Variants in ZFP2 observed in about 807,000 individuals in gnomAD.
The protein encoded by ZFP2 is zinc finger protein ZFP2.
In ZFP2, 33 loss-of-function variants were observed where a neutral mutation model predicts 36.1. That is an observed-to-expected ratio of 0.92 (90% CI 0.69 to 1.22). The LOEUF (loss-of-function observed/expected upper bound fraction) is 1.22. ZFP2 is among the 50% of genes most tolerant of loss of function. ZFP2 has a pLI of 0.00. For synonymous variants in ZFP2, 170 were observed against 178.0 expected (o/e 0.96, Z 0.36); for missense variants, 522 against 551.4 (o/e 0.95, Z 0.53).
chr5:178,911,084 T>C (rs1459167972), intron 1 of ZFP2, among the ~76,000 whole-genome samples: 1 of 152,218 alleles, frequency 6.6e-6, no homozygotes, highest in African/African-American at 2.4e-5. Flanking sequence ...TTGGTTAAAA[T>C]GGAAATTCTG....
At position 178,930,643 on chromosome 5, in the gene ZFP2, ATTTT is replaced by A. The variant is rs1381540084; in HGVS notation, c.-77-593_-77-590del. On this transcript the variant is annotated intron_variant, in intron 4 of 4. Coordinates refer to ENST00000361362, the MANE Select transcript of ZFP2 (RefSeq NM_030613.4). The stretch of plus-strand genomic sequence containing the variant: ...GGCTTGACCATATTTCTTAATCCTC[ATTTT>A]ATATCTGTGACCCTCAGAGCCAGTG... Among the ~76,000 whole-genome samples the A allele has an allele frequency of 2.0e-5, 3 of 152,104 alleles. No homozygotes were observed. The East Asian group carries it at 5.8e-4, about 29-fold the overall frequency.
intron 1 of ZFP2, among the ~76,000 whole-genome samples, chr5:178,897,303 T>G (rs560710150): frequency 6.6e-6 from 1 of 152,360 alleles, no homozygotes; most frequent in African/African-American, 2.4e-5. Flanking sequence ...ATAGGATTGT[T>G]TACATTTGCA....
chr5:178,920,632 G>A (rs1437045230), intron 4 of ZFP2, among the ~76,000 whole-genome samples: 7 of 144,016 alleles, frequency 4.9e-5, no homozygotes, highest in Admixed American at 2.8e-4. Flanking sequence ...GTGAGACTTC[G>A]TCTCAAAAAA....
Position 178,932,574 on chromosome 5 carries a change from A to G in ZFP2, c.1261A>G (p.Lys421Glu), listed in dbSNP as rs773824963. 2 of 1,614,060 alleles carry G rather than the reference A, an allele frequency of 1.2e-6. No homozygotes were observed. Among genetic ancestry groups the G allele is most frequent in the Admixed American group, 3.3e-5 (2 of 60,020 alleles). ...ECDQCGKAFI[K>E]NSSLTVHQRT... is the part of the protein sequence containing the mutation. ...TGATCAGTGTGGAAAAGCCTTCATT[A>G]AGAATTCATCCCTTACAGTGCATCA... Residue 421 changes from lysine to glutamate, a missense_variant, in exon 5 of 5, where the codon AAG becomes GAG. Coordinates refer to ENST00000361362, the MANE Select transcript of ZFP2 (RefSeq NM_030613.4).
Position 178,921,880 on chromosome 5 carries a change from G to A in ZFP2, c.-78+5170G>A, listed in dbSNP as rs902494589. On this transcript the variant is annotated intron_variant, in intron 4 of 4. Coordinates refer to ENST00000361362, the MANE Select transcript of ZFP2 (RefSeq NM_030613.4). The stretch of plus-strand genomic sequence containing the variant: ...CGGGTTTATCAGTGGAAGAGACATG[G>A]TGGAATAGGCCTACTCCACCTTATC... Among the ~76,000 whole-genome samples the A allele has an allele frequency of 8.7e-5, 13 of 149,466 alleles. 1 individual carries two copies. Among genetic ancestry groups the A allele is most frequent in the Non-Finnish European group, 2.0e-4 (13 of 66,578 alleles).
rs544738890 is a variant in ZFP2, at chr5:178,923,563, T to A, written c.-78+6853T>A. On this transcript the variant is annotated intron_variant, in intron 4 of 4. Transcript: ENST00000361362. ...AATAATAGCAGAAATGGTTTAGGAG[T>A]ACTGTTATTACTGAATCTTCATATT... Among the ~76,000 whole-genome samples, 16 of 149,432 alleles carry A rather than the reference T, an allele frequency of 1.1e-4. 1 individual carries two copies. In the South Asian group the frequency reaches 3.4e-3, roughly 32 times the overall value.
chr5:178,913,155 C>G, intron 3 of ZFP2, 84 bp downstream of exon 3: 1 of 735,924 alleles, frequency 1.4e-6, no homozygotes, highest in Non-Finnish European at 1.7e-6. Flanking sequence ...TCTGGAGAGA[C>G]TAGGGCCACT....
chr5:178,931,853 C>T lies in ZFP2; in HGVS notation c.540C>T (p.His180=), dbSNP rs773068235. Residue 180 remains histidine (H), a synonymous_variant, in exon 5 of 5, where the codon CAC becomes CAT. Transcript: ENST00000361362. ...ATCTTACTGTCCATCAACGAACTCA[C>T]ACCGGAGAGAAACCCTATCAGTGTA... The part of the protein sequence containing the change: ...SMNLTVHQRT[H]TGEKPYQCKE... 6.2e-7 allele frequency: 1 copy of T among 1,612,518 alleles called. No homozygotes were observed. The highest frequency in any genetic ancestry group is 2.2e-5 in the East Asian group (1 of 44,860).
At chr5:178,912,076 T>TA (rs1758307801) in intron 1 of ZFP2, among the ~76,000 whole-genome samples, 1 of 152,092 alleles carries the variant, frequency 6.6e-6, no homozygotes, top group Non-Finnish European at 1.5e-5. Flanking sequence ...GAGGTTGCAG[T>TA]AAGCCGAGAA....
chr5:178,927,875 T>C (rs142936285), intron 4 of ZFP2, among the ~76,000 whole-genome samples: 12 of 151,834 alleles, frequency 7.9e-5, no homozygotes, highest in African/African-American at 2.7e-4. Flanking sequence ...AATTGGCTTA[T>C]GGTTCTACAG....
intron 1 of ZFP2, among the ~76,000 whole-genome samples, chr5:178,908,285 A>G (rs1166915609): frequency 6.6e-6 from 1 of 151,984 alleles, no homozygotes; most frequent in African/African-American, 2.4e-5. Flanking sequence ...TGTCTCTACT[A>G]AAAATACAAA....
At position 178,932,749 on chromosome 5, in the gene ZFP2, CAT is replaced by C. The variant is rs765535763; in HGVS notation, c.*53_*54del. ...TCATGATTAACTCTTCAGTAATAAT[CAT>C]ATGAGACATACAATGTAGAAACCTA... On this transcript the variant is annotated 3_prime_UTR_variant, in exon 5 of 5. Transcript: ENST00000361362. The C allele has an allele frequency of 7.2e-4, 1,092 of 1,520,902 alleles. No individual in the cohort carries two copies. Among genetic ancestry groups the C allele is most frequent in the Admixed American group, 1.3e-3 (57 of 44,610 alleles). 94.2% of individuals were successfully genotyped at this position (1,520,902 alleles called of 1,614,324 possible).
At chr5:178,899,391 G>A (rs1758001105) in intron 1 of ZFP2, among the ~76,000 whole-genome samples, 1 of 152,204 alleles carries the variant, frequency 6.6e-6, no homozygotes, top group Non-Finnish European at 1.5e-5. Flanking sequence ...TGCCTGGCAT[G>A]GCTCCTGGAA....
At chr5:178,908,964 G>A (rs2113072704) in intron 1 of ZFP2, among the ~76,000 whole-genome samples, 1 of 148,960 alleles carries the variant, frequency 6.7e-6, no homozygotes, top group Admixed American at 6.6e-5. Flanking sequence ...GGAATACCAA[G>A]TTTAGTGCTA....
chr5:178,931,895 C>G lies in ZFP2; in HGVS notation c.582C>G (p.Ala194=), dbSNP rs1169978423. 13 of 1,613,810 alleles carry G rather than the reference C, an allele frequency of 8.1e-6. No homozygotes were observed. The highest frequency in any genetic ancestry group is 1.1e-5 in the Non-Finnish European group (13 of 1,179,994). The change falls in exon 5 of 5, where the codon GCC becomes GCG. Residue 194 remains alanine, a synonymous_variant. Coordinates refer to ENST00000361362, the MANE Select transcript of ZFP2 (RefSeq NM_030613.4). ...ATCAGTGTAAAGAGTGTGGCAAAGC[C>G]TTCCATAAGAATTCATCTCTTATTC... The part of the protein sequence containing the change: ...KPYQCKECGK[A]FHKNSSLIQH...
rs1016697056 is a variant in ZFP2 at position 178,932,877 on chromosome 5, T to C, written c.*178T>C. 1.1e-5 allele frequency: 9 copies of C among 789,938 alleles called. No individual in the cohort carries two copies. The highest frequency in any genetic ancestry group is 1.7e-5 in the Non-Finnish European group (9 of 526,360). 48.9% of individuals were successfully genotyped at this position (789,938 alleles called of 1,614,324 possible). The stretch of plus-strand genomic sequence containing the variant: ...CATCTAAAAGTAGAGAAATCTTGAT[T>C]CAGAATGTATAATTTCCTTTATATC... On this transcript the variant is annotated 3_prime_UTR_variant, in exon 5 of 5. Transcript: ENST00000361362.
intron 1 of ZFP2, among the ~76,000 whole-genome samples, chr5:178,898,824 A>G (rs185126951): frequency 4.0e-4 from 61 of 152,226 alleles, no homozygotes; most frequent in Non-Finnish European, 7.6e-4. Context: ...CCTAGCTGCC[A>G]CTTACTCAGC....
chr5:178,909,396 C>T lies in ZFP2; in HGVS notation c.-449-3188C>T, dbSNP rs1758241880. Among the ~76,000 whole-genome samples the T allele has an allele frequency of 3.3e-5, 5 of 152,146 alleles. No individual in the cohort carries two copies. In the South Asian group the frequency reaches 8.3e-4, roughly 25 times the overall value. ...CTTGATAAATGGTTTTCTTTCAACCCCCACATCCTCACCACCTGCTGCTTT... is the reference window on the plus strand; with the variant it reads ...CTTGATAAATGGTTTTCTTTCAACCTCCACATCCTCACCACCTGCTGCTTT... On this transcript the variant is annotated intron_variant, in intron 1 of 4. Transcript: ENST00000361362.
chr5:178,929,942 T>TGG (rs66712212), intron 4 of ZFP2, among the ~76,000 whole-genome samples: 2,306 of 131,478 alleles, frequency 0.018, 109 homozygotes, highest in Non-Finnish European at 0.026. Flanking sequence ...TGCTTGACGG[T>TGG]GGGGGGGGGG....
Sources: gnomAD v4.1 joint callset for allele counts (sites outside exome capture counted in the v4.1 genomes callset) on GRCh38, gnomAD v4.1.1 for gene constraint, MANE v1.5 for transcripts, NCBI Gene and HGNC (gene_info 2026-07-23, HGNC 2026-07-21) for gene names.